PPP2CB: variants seen among roughly 807,000 people sequenced by gnomAD.
PPP2CB encodes serine/threonine-protein phosphatase 2A catalytic subunit beta isoform.
Under a neutral mutation model 39.1 loss-of-function variants are expected in PPP2CB, and 18 were observed. The observed-to-expected ratio is 0.46, with a 90% CI of 0.32 to 0.68. The LOEUF (loss-of-function observed/expected upper bound fraction) is 0.68, where lower values mean the gene tolerates loss of function less well. PPP2CB is among the 30% of genes least tolerant of loss of function. The pLI is 0.04. For synonymous variants in PPP2CB, 129 were observed against 133.8 expected (o/e 0.96, Z 0.25); for missense variants, 226 against 396.9 (o/e 0.57, Z 3.66).
In PPP2CB at chr8:30,812,787, G is replaced by C. The variant is rs767302592; in HGVS notation, c.-366C>G. On this transcript the variant is annotated 5_prime_UTR_variant, in exon 1 of 7. Transcript: ENST00000221138. ...GCTTCAGGCCCGCCTCACGCCTACC[G>C]GCCTCTCCCGACTTGTCTTTCCCCT... The C allele has an allele frequency of 2.4e-5, 11 of 464,474 alleles. No individual in the cohort carries two copies. The East Asian group carries it at 6.1e-4, about 26-fold the overall frequency. 28.8% of individuals were successfully genotyped at this position (464,474 alleles called of 1,614,324 possible).
chr8:30,789,810 T>C (rs1188616282), intron 6 of PPP2CB, among the ~76,000 whole-genome samples: 2 of 152,230 alleles, frequency 1.3e-5, no homozygotes, highest in East Asian at 1.9e-4. Context: ...CCGAACTGTA[T>C]AGCTTATACA....
intron 1 of PPP2CB, among the ~76,000 whole-genome samples, chr8:30,808,124 A>G (rs6987432): frequency 0.42 from 63,236 of 151,996 alleles, 17,307 homozygotes; most frequent in African/African-American, 0.78. Flanking sequence ...TTTTGGAGAC[A>G]GAGTCTCACT....
intron 1 of PPP2CB, among the ~76,000 whole-genome samples, chr8:30,800,109 A>G (rs189218672): frequency 7.4e-4 from 113 of 152,356 alleles, no homozygotes; most frequent in African/African-American, 2.1e-3. Flanking sequence ...CAGTTTATAC[A>G]TGTTCATGGC....
chr8:30,799,753 T>G lies in PPP2CB; in HGVS notation c.105A>C (p.Ala35=). The G allele has an allele frequency of 6.2e-7, 1 of 1,613,068 alleles. No homozygotes were observed. The highest frequency in any genetic ancestry group is 1.3e-5 in the African/African-American group (1 of 75,032). Residue 35 remains alanine (A), a splice_region_variant and synonymous_variant, in exon 2 of 7, where the codon GCA becomes GCC. Transcript: ENST00000221138. ...ENQVRTLCEK[A]KEILTKESNV... ...TTGATTCTTTTGTTAAAATTTCCTT[T>G]GCCTGTTAGAAAAGTGAAATCAACA... is the stretch of plus-strand genomic sequence containing the variant.
chr8:30,805,507 C>A (rs1471848469), intron 1 of PPP2CB, among the ~76,000 whole-genome samples: 1 of 152,042 alleles, frequency 6.6e-6, no homozygotes, highest in East Asian at 1.9e-4. Context: ...TTGCAGTGAA[C>A]CGAGATGGCA....
chr8:30,791,866 ATATATG>A (rs1325929144), intron 5 of PPP2CB, among the ~76,000 whole-genome samples: 2 of 131,346 alleles, frequency 1.5e-5, no homozygotes, highest in Middle Eastern at 3.9e-3. Flanking sequence ...GTATATATGT[ATATATG>A]TGTGTGCATA....
At chr8:30,799,999 C>T (rs1474348315) in intron 1 of PPP2CB, among the ~76,000 whole-genome samples, 3 of 152,206 alleles carry the variant, frequency 2.0e-5, no homozygotes, top group Non-Finnish European at 4.4e-5. Flanking sequence ...GGTGCAGCTG[C>T]TGTGGAAAAC....
chr8:30,787,413 C>T (rs563283160), intron 6 of PPP2CB, among the ~76,000 whole-genome samples: 1 of 152,318 alleles, frequency 6.6e-6, no homozygotes, highest in Admixed American at 6.5e-5. Context: ...GATCATGGCT[C>T]ACTGTAGCCT....
intron 3 of PPP2CB, among the ~76,000 whole-genome samples, chr8:30,795,234 G>A (rs1806502587): frequency 1.3e-5 from 2 of 151,502 alleles, no homozygotes; most frequent in African/African-American, 4.8e-5. Context: ...TCCTGCCTGA[G>A]CCTCCTGAGT....
chr8:30,800,057 A>T (rs1806594374), intron 1 of PPP2CB, among the ~76,000 whole-genome samples: 1 of 152,248 alleles, frequency 6.6e-6, no homozygotes, highest in Non-Finnish European at 1.5e-5. Flanking sequence ...CATGTAATCC[A>T]GCAGTTCCAC....
At chr8:30,799,473 T>C (rs1806582524) in intron 2 of PPP2CB, 73 bp downstream of exon 2, 7 of 1,193,136 alleles carry the variant, frequency 5.9e-6, no homozygotes, top group South Asian at 2.7e-5. Flanking sequence ...AAACAGATGA[T>C]ATGCAATACT....
intron 3 of PPP2CB, 143 bp from the exon 4 acceptor site, chr8:30,794,424 C>CT (rs1032162876): frequency 1.9e-5 from 13 of 698,636 alleles, no homozygotes; most frequent in Non-Finnish European, 3.0e-5. Flanking sequence ...TTCTTTACCC[C>CT]TTCTCTGGTC....
intron 2 of PPP2CB, 43 bp from the exon 3 acceptor site, chr8:30,797,797 A>C: frequency 1.9e-6 from 3 of 1,592,806 alleles, no homozygotes; most frequent in Non-Finnish European, 2.6e-6. Flanking sequence ...TCACATTTTT[A>C]CTAGTGTCAT....
chr8:30,791,496 C>T (rs544249945), intron 5 of PPP2CB, 181 bp from the exon 6 acceptor site: 5 of 528,580 alleles, frequency 9.5e-6, no homozygotes, highest in African/African-American at 4.0e-5. Flanking sequence ...CTGTGCAATT[C>T]GTGGGCCTAG....
chr8:30,795,084 C>T (rs921119867), intron 3 of PPP2CB, among the ~76,000 whole-genome samples: 5 of 150,272 alleles, frequency 3.3e-5, no homozygotes, highest in South Asian at 2.1e-4. Context: ...GAGAGAATAA[C>T]GTAAGTTTTA....
intron 5 of PPP2CB, among the ~76,000 whole-genome samples, chr8:30,791,921 C>T (rs1052984196): frequency 4.0e-5 from 6 of 151,128 alleles, no homozygotes; most frequent in Non-Finnish European, 8.8e-5. Flanking sequence ...TATACATACA[C>T]GTATATATGT....
chr8:30,812,750 C>A lies in PPP2CB; in HGVS notation c.-329G>T. 1 of 471,418 alleles carries A rather than the reference C, an allele frequency of 2.1e-6. No homozygotes were observed. The highest frequency in any genetic ancestry group is 4.2e-6 in the Non-Finnish European group (1 of 237,446). The allele number at this position is 471,418 out of a possible 1,614,324, so 29.2% of individuals were successfully genotyped here. ...CGGCCTAGCTCTCGCCGGACGAAGG[C>A]CGCCCGCTGCCGCTTCAGGCCCGCC... On this transcript the variant is annotated 5_prime_UTR_variant, in exon 1 of 7. Transcript: ENST00000221138.
intron 1 of PPP2CB, among the ~76,000 whole-genome samples, 165 bp from the exon 2 acceptor site, chr8:30,799,920 C>T (rs895773214): frequency 1.4e-4 from 22 of 152,190 alleles, no homozygotes; most frequent in African/African-American, 4.8e-4. Context: ...ATAAAAAAGA[C>T]AGTTAATAAG....
Position 30,812,710 on chromosome 8 carries a change from C to G in PPP2CB, c.-289G>C, listed in dbSNP as rs914582220. 1.1e-5 allele frequency: 5 copies of G among 444,588 alleles called. No homozygotes were observed. Among genetic ancestry groups the G allele is most frequent in the African/African-American group, 8.4e-5 (4 of 47,494 alleles). The allele number at this position is 444,588 out of a possible 1,614,324, so 27.5% of individuals were successfully genotyped here. A position where few individuals can be genotyped will look rare whatever the true frequency, so the allele number is the denominator to read the frequency against. ...AAGGACGCGGTGAGGTGCCGGGGAG[C>G]GCGGCGCGGGTCCTCGGCCTAGCTC... On this transcript the variant is annotated 5_prime_UTR_variant, in exon 1 of 7. Transcript: ENST00000221138.
Sources: gnomAD v4.1 joint callset for allele counts (sites outside exome capture counted in the v4.1 genomes callset) on GRCh38, gnomAD v4.1.1 for gene constraint, MANE v1.5 for transcripts, NCBI Gene and HGNC (gene_info 2026-07-23, HGNC 2026-07-21) for gene names.